The following STIM1 variants were observed in gnomAD, a reference collection of about 807,000 sequenced individuals.
STIM1 encodes the protein stromal interaction molecule 1.
STIM1 carries 25 observed loss-of-function variants against 74.7 expected under a neutral mutation model. The observed-to-expected ratio is 0.33, with a 90% CI of 0.24 to 0.47. The LOEUF (loss-of-function observed/expected upper bound fraction) is 0.47. Ranked by LOEUF, STIM1 falls within the 20% of genes least tolerant of loss-of-function variation. STIM1 has a pLI of 1.00. For missense variants in STIM1, 728 were observed against 920.8 expected (o/e 0.79, Z 2.71); for synonymous variants, 328 against 348.8 (o/e 0.94, Z 0.66).
chr11:4,082,303 C>T lies in STIM1; in HGVS notation c.1089C>T (p.Asn363=), dbSNP rs376193363. ...ATGAGGTGGAGGTGCAATATTACAA[C>T]ATCAAGAAGCAAAATGCTGAGAAGC... The part of the protein sequence containing the change: ...LTHEVEVQYY[N]IKKQNAEKQL... The change falls in exon 8 of 13, where the codon AAC becomes AAT. Residue 363 remains asparagine, a synonymous_variant. Coordinates refer to ENST00000526596, the MANE Select transcript of STIM1 (RefSeq NM_001382567.1). 6.2e-7 allele frequency: 1 copy of T among 1,613,780 alleles called. No individual in the cohort carries two copies. Among genetic ancestry groups the T allele is most frequent in the Admixed American group, 1.7e-5 (1 of 60,004 alleles).
intron 5 of STIM1, among the ~76,000 whole-genome samples, chr11:4,068,335 G>A (rs982552849): frequency 6.6e-6 from 1 of 152,196 alleles, no homozygotes. Context: ...GGAAGTGCTC[G>A]TTGCATGGAG....
At chr11:4,020,924 A>C (rs1056912945) in intron 2 of STIM1, among the ~76,000 whole-genome samples, 3 of 151,962 alleles carry the variant, frequency 2.0e-5, no homozygotes, top group Non-Finnish European at 4.4e-5. Flanking sequence ...CTTTTGAGAA[A>C]TGTCTAGTTA....
intron 2 of STIM1, among the ~76,000 whole-genome samples, chr11:3,999,840 G>A (rs1362773038): frequency 1.3e-5 from 2 of 152,148 alleles, no homozygotes; most frequent in Non-Finnish European, 2.9e-5. Flanking sequence ...TCAAGGAAAG[G>A]GGTGACAGAC....
intron 2 of STIM1, among the ~76,000 whole-genome samples, chr11:4,006,791 A>G (rs1347217300): frequency 6.6e-6 from 1 of 152,100 alleles, no homozygotes; most frequent in Non-Finnish European, 1.5e-5. Flanking sequence ...GGGGTTGGAG[A>G]GCAGCAGAGA....
intron 1 of STIM1, among the ~76,000 whole-genome samples, chr11:3,857,460 T>G (rs773048145): frequency 7.9e-5 from 12 of 151,820 alleles, no homozygotes; most frequent in Non-Finnish European, 1.6e-4. Flanking sequence ...ACAGACACTG[T>G]CTCTCTGTGT....
At chr11:4,066,706 C>T (rs983555541) in intron 5 of STIM1, among the ~76,000 whole-genome samples, 14 of 152,056 alleles carry the variant, frequency 9.2e-5, no homozygotes, top group African/African-American at 2.7e-4. Flanking sequence ...AGTTGAAAAA[C>T]ACACAAGACA....
At chr11:3,860,869 G>A (rs1006866216) in intron 1 of STIM1, among the ~76,000 whole-genome samples, 6 of 152,176 alleles carry the variant, frequency 3.9e-5, no homozygotes, top group Admixed American at 1.3e-4. Context: ...AGAAGTCTAC[G>A]TTTTGTAGGG....
chr11:3,899,745 A>C (rs1263733076), intron 1 of STIM1, among the ~76,000 whole-genome samples: 3 of 149,242 alleles, frequency 2.0e-5, no homozygotes, highest in Non-Finnish European at 4.4e-5. Flanking sequence ...GAATTTTGTC[A>C]AAGGCCTTTT....
At chr11:4,007,952 T>G (rs2093799252) in intron 2 of STIM1, among the ~76,000 whole-genome samples, 1 of 152,142 alleles carries the variant, frequency 6.6e-6, no homozygotes, top group Admixed American at 6.5e-5. Flanking sequence ...GAGACCTCCA[T>G]AGCTCCTTTA....
At chr11:4,010,171 G>GT (rs2093821948) in intron 2 of STIM1, among the ~76,000 whole-genome samples, 2 of 102,940 alleles carry the variant, frequency 1.9e-5, no homozygotes, top group Admixed American at 1.4e-4. Context: ...GAAATTTTCT[G>GT]ATTTTTTTTT....
chr11:4,086,581 C>A (rs200884178), intron 12 of STIM1, 38 bp downstream of exon 12: 1 of 1,613,342 alleles, frequency 6.2e-7, no homozygotes, highest in Non-Finnish European at 8.5e-7. Context: ...CTTGACAAGC[C>A]GGGTATCTCT....
chr11:3,938,521 AAGGGACTGACAGG>A (rs1268633897), intron 1 of STIM1, among the ~76,000 whole-genome samples: 1 of 152,144 alleles, frequency 6.6e-6, no homozygotes. Context: ...TAAACATTAA[AAGGGACTGACAGG>A]AGGGACTGAC....
At chr11:3,936,508 C>T (rs766781438) in intron 1 of STIM1, among the ~76,000 whole-genome samples, 5 of 152,170 alleles carry the variant, frequency 3.3e-5, no homozygotes, top group Non-Finnish European at 7.3e-5. Flanking sequence ...TTTGCTTCTC[C>T]AGGCCTGCAA....
At chr11:3,855,094 G>A (rs1031740530), upstream of STIM1, 1 of 152,286 alleles carries the variant, frequency 6.6e-6, no homozygotes, top group Admixed American at 6.5e-5. Context: ...GGGTTCCCAA[G>A]CCGCAGAGAG....
intron 7 of STIM1, among the ~76,000 whole-genome samples, chr11:4,075,359 G>T (rs1208726323): frequency 6.6e-6 from 1 of 152,012 alleles, no homozygotes; most frequent in Non-Finnish European, 1.5e-5. Flanking sequence ...AACCTTCTCA[G>T]CACCCCAGGA....
chr11:3,952,510 A>AT (rs1435259873), intron 1 of STIM1, among the ~76,000 whole-genome samples: 1 of 150,274 alleles, frequency 6.7e-6, no homozygotes, highest in Non-Finnish European at 1.5e-5. Flanking sequence ...GACTTGACTG[A>AT]TTTTTTCAGG....
intron 3 of STIM1, among the ~76,000 whole-genome samples, chr11:4,035,375 T>G (rs1026095485): frequency 3.9e-5 from 6 of 152,066 alleles, no homozygotes; most frequent in Non-Finnish European, 2.9e-5. Context: ...ATTACTTTTT[T>G]TCCTGATATA....
At chr11:3,892,744 A>G in intron 1 of STIM1, 1 of 1,613,284 alleles carries the variant, frequency 6.2e-7, no homozygotes, top group Non-Finnish European at 8.5e-7. Context: ...AGGAACCCTT[A>G]TAACCAAATC....
intron 5 of STIM1, 91 bp downstream of exon 5, chr11:4,059,487 A>T (rs2094315590): frequency 1.0e-6 from 1 of 997,424 alleles, no homozygotes; most frequent in East Asian, 2.5e-5. Flanking sequence ...TGGGTCTCCT[A>T]GGCACACCTG....
Sources: allele counts gnomAD v4.1 joint callset (sites outside exome capture counted in the v4.1 genomes callset), GRCh38; gene constraint gnomAD v4.1.1; transcripts MANE v1.5; gene names NCBI Gene and HGNC (gene_info 2026-07-23, HGNC 2026-07-21).